The following DCC variants were observed in gnomAD, a reference collection of about 807,000 sequenced individuals.
The protein encoded by DCC is netrin receptor DCC.
Under a neutral mutation model 172.5 loss-of-function variants are expected in DCC, and 58 were observed. The ratio of observed to expected loss-of-function variants is 0.34; its 90% CI spans 0.27 to 0.42. The LOEUF is 0.42. DCC is among the 10% of genes least tolerant of loss of function. DCC has a pLI of 1.00. For missense variants in DCC, 1,740 were observed against 1,791.0 expected (o/e 0.97, Z 0.51); for synonymous variants, 709 against 644.5 (o/e 1.10, Z -1.52).
intron 1 of DCC, among the ~76,000 whole-genome samples, chr18:52,459,514 C>A (rs1437330936): frequency 6.6e-6 from 1 of 151,622 alleles, no homozygotes; most frequent in African/African-American, 2.4e-5. Flanking sequence ...GTCGCCCAGG[C>A]TGGAGTGCAG....
intron 22 of DCC, among the ~76,000 whole-genome samples, chr18:53,438,793 G>T (rs553908791): frequency 4.6e-5 from 7 of 152,288 alleles, no homozygotes; most frequent in African/African-American, 1.7e-4. Flanking sequence ...ACATCATTGG[G>T]TTCATTTTTG....
intron 15 of DCC, among the ~76,000 whole-genome samples, chr18:53,379,492 T>C (rs1907557357): frequency 6.6e-6 from 1 of 152,238 alleles, no homozygotes; most frequent in South Asian, 2.1e-4. Flanking sequence ...ACAGGTTTCT[T>C]GATTCATTCC....
In DCC at chr18:53,031,755, G is replaced by T. The variant is rs1330210335; in HGVS notation, c.986-31550G>T. Among the ~76,000 whole-genome samples, 8 of 152,130 alleles carry T rather than the reference G, an allele frequency of 5.3e-5. No homozygotes were observed. The South Asian group carries it at 1.7e-3, about 32-fold the overall frequency. On this transcript the variant is annotated intron_variant, in intron 5 of 28. Coordinates refer to ENST00000442544, the MANE Select transcript of DCC (RefSeq NM_005215.4). ...CTTCAGTTGGCTAAAGTATTTCAAT[G>T]ATACTTTCTTGGGAAGGACTCCTAA...
chr18:52,894,215 T>G (rs1330614611), intron 2 of DCC, among the ~76,000 whole-genome samples: 1 of 152,114 alleles, frequency 6.6e-6, no homozygotes, highest in African/African-American at 2.4e-5. Context: ...CCAGCATCTT[T>G]CATTTTTGTC....
At chr18:53,079,574 T>C (rs1467675019) in intron 7 of DCC, among the ~76,000 whole-genome samples, 2 of 152,156 alleles carry the variant, frequency 1.3e-5, no homozygotes, top group South Asian at 4.1e-4. Flanking sequence ...CTTAAGCCCT[T>C]AGTCTAATAG....
intron 7 of DCC, among the ~76,000 whole-genome samples, chr18:53,128,655 A>C (rs990221074): frequency 6.6e-6 from 1 of 151,900 alleles, no homozygotes; most frequent in African/African-American, 2.4e-5. Flanking sequence ...ATTATTAAGC[A>C]TATTTTTAGA....
At chr18:53,218,537 G>C (rs948139305) in intron 12 of DCC, among the ~76,000 whole-genome samples, 1 of 152,068 alleles carries the variant, frequency 6.6e-6, no homozygotes, top group Non-Finnish European at 1.5e-5. Flanking sequence ...TTTTTACAAA[G>C]CTGTAATAGC....
chr18:53,270,859 A>G (rs2056740452), intron 12 of DCC, among the ~76,000 whole-genome samples: 1 of 152,262 alleles, frequency 6.6e-6, no homozygotes, highest in East Asian at 1.9e-4. Context: ...TCTTTTTTCT[A>G]GTATAAGCAG....
At chr18:53,464,076 G>T (rs1291749081) in intron 24 of DCC, among the ~76,000 whole-genome samples, 1 of 152,152 alleles carries the variant, frequency 6.6e-6, no homozygotes, top group East Asian at 1.9e-4. Context: ...ATTGCTTCAT[G>T]ATACATCTCT....
At chr18:52,851,478 T>C (rs1252986073) in intron 2 of DCC, among the ~76,000 whole-genome samples, 1 of 152,126 alleles carries the variant, frequency 6.6e-6, no homozygotes, top group Non-Finnish European at 1.5e-5. Flanking sequence ...TTTTCTTTCA[T>C]ACTGAGTTTG....
At chr18:53,197,503 A>G (rs1474706648) in intron 9 of DCC, among the ~76,000 whole-genome samples, 3 of 146,568 alleles carry the variant, frequency 2.0e-5, no homozygotes, top group African/African-American at 7.6e-5. Context: ...ACAGTCATTT[A>G]AAAAAGACTT....
At chr18:53,122,118 G>A (rs12960524) in intron 7 of DCC, among the ~76,000 whole-genome samples, 8,187 of 152,030 alleles carry the variant, frequency 0.054, 291 homozygotes, top group East Asian at 0.11. Context: ...AACCAACTGA[G>A]TGACTGATTT....
intron 15 of DCC, among the ~76,000 whole-genome samples, chr18:53,369,926 T>A (rs2058042881): frequency 6.6e-6 from 1 of 151,906 alleles, no homozygotes; most frequent in African/African-American, 2.4e-5. Flanking sequence ...TCTCTTTTTT[T>A]ATAGTGTCTA....
At chr18:53,001,604 G>GT (rs1164475429) in intron 5 of DCC, among the ~76,000 whole-genome samples, 2 of 152,014 alleles carry the variant, frequency 1.3e-5, no homozygotes, top group Non-Finnish European at 2.9e-5. Context: ...ACAAGAGACT[G>GT]TTTCCTGTTT....
rs569619952 is a variant in DCC, at chr18:52,685,062, T to G, written c.92-66992T>G. Among the ~76,000 whole-genome samples the G allele has an allele frequency of 9.9e-5, 15 of 152,222 alleles. No homozygotes were observed. In the South Asian group the frequency reaches 3.1e-3, roughly 32 times the overall value. On this transcript the variant is annotated intron_variant, in intron 1 of 28. Transcript: ENST00000442544. ...AAAGACAGATTTTGTTCCACACACT[T>G]ACTTATTCAAATTAGTTCAATTAAG...
chr18:52,956,692 A>G (rs2040750698), intron 5 of DCC, among the ~76,000 whole-genome samples: 2 of 152,112 alleles, frequency 1.3e-5, no homozygotes, highest in Admixed American at 6.6e-5. Flanking sequence ...TTGGGGAGAA[A>G]TTACGTCTTC....
intron 1 of DCC, among the ~76,000 whole-genome samples, chr18:52,420,096 A>T (rs1222948): frequency 0.13 from 19,273 of 152,184 alleles, 1,523 homozygotes; most frequent in Admixed American, 0.19. Context: ...TGTCCACATT[A>T]TTTTTCGGTT....
chr18:52,595,634 G>A (rs1272036188), intron 1 of DCC, among the ~76,000 whole-genome samples: 1 of 152,144 alleles, frequency 6.6e-6, no homozygotes. Context: ...TCCCTCAAAT[G>A]AAAGTCCTCA....
intron 9 of DCC, among the ~76,000 whole-genome samples, chr18:53,179,790 T>A (rs1402294681): frequency 6.6e-6 from 1 of 152,214 alleles, no homozygotes; most frequent in Non-Finnish European, 1.5e-5. Flanking sequence ...AAAATTTTGT[T>A]TTTTCTTGTG....
Sources: allele counts gnomAD v4.1 joint callset (sites outside exome capture counted in the v4.1 genomes callset), GRCh38; gene constraint gnomAD v4.1.1; transcripts MANE v1.5; gene names NCBI Gene and HGNC (gene_info 2026-07-23, HGNC 2026-07-21).